RP1: variants seen among roughly 807,000 people sequenced by gnomAD.
RP1 encodes RP1 axonemal microtubule associated, also known as oxygen-regulated protein 1.
In RP1, 16 loss-of-function variants were observed where a neutral mutation model predicts 14.8. The observed-to-expected ratio is 1.08, with a 90% CI of 0.73 to 1.65. The LOEUF (loss-of-function observed/expected upper bound fraction) is 1.65, where lower values mean the gene tolerates loss of function less well. RP1 is among the 40% of genes most tolerant of loss of function. RP1 has a pLI of 0.00. For missense variants in RP1, 2,631 were observed against 2,535.0 expected (o/e 1.04, Z -0.81); for synonymous variants, 876 against 883.6 (o/e 0.99, Z 0.15).
chr8:54,637,382 G>T, intron 3 of RP1, among the ~76,000 whole-genome samples: 1 of 152,142 alleles, frequency 6.6e-6, no homozygotes, highest in Non-Finnish European at 1.5e-5. Flanking sequence ...ACCTGCACTG[G>T]CAGGCTATCC....
At position 54,628,824 on chromosome 8, in the gene RP1, C is replaced by T. The variant is rs267601952; in HGVS notation, c.4942C>T (p.Pro1648Ser). The change falls in exon 4 of 4, where the codon CCT becomes TCT. Residue 1648 changes from proline to serine, a missense_variant. Physicochemically the swap from Pro to Ser is moderately conservative, Grantham distance 74. Coordinates refer to ENST00000220676, the MANE Select transcript of RP1 (RefSeq NM_006269.2). ...AGATATTATCAAACCATCTTTTTTT[C>T]CTGGGTCTACCCGCAAATCTCAGGT... ...KADIIKPSFF[P>S]GSTRKSQVCP... 1 of 1,613,900 alleles carries T rather than the reference C, an allele frequency of 6.2e-7. No homozygotes were observed. Among genetic ancestry groups the T allele is most frequent in the Non-Finnish European group, 8.5e-7 (1 of 1,179,928 alleles).
intron 24 of RP1, among the ~76,000 whole-genome samples, chr8:54,785,190 A>C (rs1810289482): frequency 6.6e-6 from 1 of 152,116 alleles, no homozygotes; most frequent in Non-Finnish European, 1.5e-5. Context: ...TCCCAGCTTT[A>C]GGAAACTAGT....
Position 54,712,676 on chromosome 8 carries a change from T to C in RP1, c.2211+6021T>C, listed in dbSNP as rs1266627271. On this transcript the variant is annotated intron_variant, in intron 15 of 22. Coordinates refer to the RP1 transcript ENST00000636932. ...TTATGTTTTACTTCTGCTACTTCCA[T>C]TGTAGTGTTTTCTTTGACTTGTTTA... is the stretch of plus-strand genomic sequence containing the variant. Among the ~76,000 whole-genome samples, 9 of 152,254 alleles carry C rather than the reference T, an allele frequency of 5.9e-5. No individual in the cohort carries two copies. In the East Asian group the frequency reaches 9.6e-4, roughly 16 times the overall value.
intron 12 of RP1, among the ~76,000 whole-genome samples, chr8:54,695,532 T>C (rs369735723): frequency 1.3e-5 from 2 of 152,140 alleles, no homozygotes; most frequent in South Asian, 2.1e-4. Flanking sequence ...ATTCTGGTAT[T>C]TATGAAATCA....
chr8:54,719,451 G>A (rs940897794), intron 15 of RP1, among the ~76,000 whole-genome samples: 4 of 152,090 alleles, frequency 2.6e-5, no homozygotes, highest in Non-Finnish European at 4.4e-5. Flanking sequence ...AGTTGCTATT[G>A]GAAATTTTAA....
chr8:54,671,008 G>T (rs1807168367), intron 7 of RP1, among the ~76,000 whole-genome samples: 1 of 151,718 alleles, frequency 6.6e-6, no homozygotes, highest in South Asian at 2.1e-4. Flanking sequence ...GACTTCCTTA[G>T]CATTTCTTGT....
chr8:54,604,648 G>C (rs1446119023), intron 1 of RP1, among the ~76,000 whole-genome samples: 4 of 152,124 alleles, frequency 2.6e-5, no homozygotes, highest in Non-Finnish European at 4.4e-5. Flanking sequence ...GTAGAATTCG[G>C]CAGTCAATCC....
At chr8:54,724,363 T>A (rs1014522928) in intron 16 of RP1, among the ~76,000 whole-genome samples, 5 of 152,190 alleles carry the variant, frequency 3.3e-5, no homozygotes, top group African/African-American at 1.2e-4. Context: ...TTTTCCTAGT[T>A]GATTTTGTAG....
chr8:54,848,435 T>C (rs1484483873), intron 25 of RP1, among the ~76,000 whole-genome samples: 1 of 152,174 alleles, frequency 6.6e-6, no homozygotes, highest in East Asian at 1.9e-4. Flanking sequence ...TCATCCTCTG[T>C]CCCTGCCTGG....
intron 21 of RP1, among the ~76,000 whole-genome samples, chr8:54,756,600 A>G (rs1189093714): frequency 6.6e-6 from 1 of 152,224 alleles, no homozygotes; most frequent in Non-Finnish European, 1.5e-5. Context: ...TTTTGCTATC[A>G]GGAATGAATT....
chr8:54,750,754 A>G (rs1306689884), intron 19 of RP1, among the ~76,000 whole-genome samples: 1 of 150,408 alleles, frequency 6.6e-6, no homozygotes, highest in Non-Finnish European at 1.5e-5. Flanking sequence ...TAACAAGAGG[A>G]TTGTAAAATG....
Position 54,621,339 on chromosome 8 carries a change from C to A in RP1, c.373C>A (p.Arg125=), listed in dbSNP as rs770787145. 6 of 1,611,674 alleles carry A rather than the reference C, an allele frequency of 3.7e-6. No individual in the cohort carries two copies. Among genetic ancestry groups the A allele is most frequent in the Non-Finnish European group, 5.1e-6 (6 of 1,178,974 alleles). The change falls in exon 2 of 4, where the codon CGG becomes AGG. Residue 125 remains arginine (R), a synonymous_variant. Transcript: ENST00000220676. ...VDLDKARRRP[R]PWLSSRAISA... ...CCTGGACAAAGCCCGTCGGCGCCCGCGGCCCTGGCTCAGCAGCCGGGCCAT... is the reference window on the plus strand; with the variant it reads ...CCTGGACAAAGCCCGTCGGCGCCCGAGGCCCTGGCTCAGCAGCCGGGCCAT...
intron 15 of RP1, among the ~76,000 whole-genome samples, chr8:54,717,523 A>T (rs1808432607): frequency 6.6e-6 from 1 of 152,166 alleles, no homozygotes; most frequent in South Asian, 2.1e-4. Flanking sequence ...ATTACTGAAT[A>T]TTAATGGCTG....
intron 24 of RP1, among the ~76,000 whole-genome samples, chr8:54,826,092 A>AC (rs1491128963): frequency 2.0e-5 from 3 of 152,154 alleles, no homozygotes; most frequent in Non-Finnish European, 4.4e-5. Context: ...AACAAAAAGC[A>AC]AAAAAAGTTG....
intron 3 of RP1, among the ~76,000 whole-genome samples, chr8:54,644,269 C>G (rs1405238404): frequency 2.0e-5 from 3 of 152,166 alleles, no homozygotes; most frequent in Non-Finnish European, 4.4e-5. Context: ...ATTTCAAGGC[C>G]TGAGAGTAAT....
intron 1 of RP1, among the ~76,000 whole-genome samples, chr8:54,592,925 GC>G (rs1805072089): frequency 6.6e-6 from 1 of 152,158 alleles, no homozygotes; most frequent in South Asian, 2.1e-4. Context: ...CAAGAAAGGA[GC>G]TTCTCTTTTG....
intron 13 of RP1, chr8:54,701,379 A>C (rs1808012607): frequency 2.2e-6 from 2 of 910,496 alleles, no homozygotes; most frequent in Non-Finnish European, 3.0e-6. Context: ...AAATAGTACA[A>C]AGTTTCCATA....
At chr8:54,855,973 C>CA (rs367829972) in intron 26 of RP1, among the ~76,000 whole-genome samples, 28,273 of 102,054 alleles carry the variant, frequency 0.28, 3,376 homozygotes, top group Middle Eastern at 0.44. Context: ...ACACACACAC[C>CA]CCCTATAACC....
At chr8:54,651,934 C>A (rs1049986640) in intron 4 of RP1, among the ~76,000 whole-genome samples, 19 of 151,620 alleles carry the variant, frequency 1.3e-4, no homozygotes, top group Admixed American at 6.6e-5. Context: ...TTTCACTTGT[C>A]TCAAAGTATT....
Sources: gnomAD v4.1 joint callset for allele counts (sites outside exome capture counted in the v4.1 genomes callset) on GRCh38, gnomAD v4.1.1 for gene constraint, MANE v1.5 for transcripts, NCBI Gene and HGNC (gene_info 2026-07-23, HGNC 2026-07-21) for gene names.